The following CNIH3 variants were observed in gnomAD, a reference collection of about 807,000 sequenced individuals.
CNIH3 encodes the protein cornichon family AMPA receptor auxiliary protein 3, also known as protein cornichon homolog 3.
Under a neutral mutation model 24.1 loss-of-function variants are expected in CNIH3, and 14 were observed. That is an observed-to-expected ratio of 0.58 (90% CI 0.38 to 0.91). The LOEUF (loss-of-function observed/expected upper bound fraction) is 0.91. Ranked by LOEUF, CNIH3 falls within the 40% of genes least tolerant of loss-of-function variation. CNIH3 has a pLI of 0.00. For synonymous variants in CNIH3, 68 were observed against 73.8 expected (o/e 0.92, Z 0.40); for missense variants, 178 against 196.8 (o/e 0.90, Z 0.57).
intron 1 of CNIH3, among the ~76,000 whole-genome samples, chr1:224,491,098 G>C (rs568332996): frequency 1.3e-5 from 2 of 152,300 alleles, no homozygotes; most frequent in Admixed American, 1.3e-4. Context: ...GTTACAGTTT[G>C]TCCACAAGTA....
At chr1:224,673,049 T>C (rs1685947705) in intron 1 of CNIH3, among the ~76,000 whole-genome samples, 1 of 152,182 alleles carries the variant, frequency 6.6e-6, no homozygotes, top group Non-Finnish European at 1.5e-5. Context: ...CCCCTGAACA[T>C]TGAGTTTTCA....
downstream of CNIH3, among the ~76,000 whole-genome samples, chr1:224,592,418 A>T (rs1239284696): frequency 6.6e-6 from 1 of 152,194 alleles, no homozygotes; most frequent in African/African-American, 2.4e-5. Context: ...TAATATTCAG[A>T]CTGTAATATT....
In CNIH3 at chr1:224,684,276, G is replaced by C. The variant is rs1686545607; in HGVS notation, c.151-520G>C. Among the ~76,000 whole-genome samples the C allele has an allele frequency of 6.6e-6, 1 of 152,216 alleles. No individual in the cohort carries two copies. Among genetic ancestry groups the C allele is most frequent in the African/African-American group, 2.4e-5 (1 of 41,466 alleles). On this transcript the variant is annotated intron_variant, in intron 2 of 5. Transcript: ENST00000272133. This position sits in a 1 kb window ranked among gnomAD's most constrained non-coding sequence, Gnocchi z 4.2. ...GCCTTAGCCTGGGGGCATCATTGTTGTCTAATTTAGTAGGGAGATTACTTC... is the reference window on the plus strand; with the variant it reads ...GCCTTAGCCTGGGGGCATCATTGTTCTCTAATTTAGTAGGGAGATTACTTC...
intron 1 of CNIH3, among the ~76,000 whole-genome samples, chr1:224,475,253 G>A (rs1195933083): frequency 2.0e-5 from 3 of 151,356 alleles, no homozygotes; most frequent in Non-Finnish European, 4.4e-5. Flanking sequence ...CTACTCGGGA[G>A]GCTGAGGCAG....
Position 224,522,847 on chromosome 1 carries a change from T to C in CNIH3, n.343+1520T>C, listed in dbSNP as rs1172983362. 7.2e-5 allele frequency among the ~76,000 whole-genome samples: 11 copies of C among 152,220 alleles called. 1 individual carries two copies. The highest frequency in any genetic ancestry group is 7.2e-4 in the Admixed American group (11 of 15,284). ...GGCCCACATACTTTGGAAAACAGTGTGGCATTATCTATTAAAGGCAAATGT... is the reference window on the plus strand; with the variant it reads ...GGCCCACATACTTTGGAAAACAGTGCGGCATTATCTATTAAAGGCAAATGT... On this transcript the variant is annotated intron_variant and non_coding_transcript_variant, in intron 2 of 2. Transcript: ENST00000470602.
chr1:224,525,849 C>A (rs987762565), intron 2 of CNIH3, among the ~76,000 whole-genome samples: 5 of 152,112 alleles, frequency 3.3e-5, no homozygotes, highest in African/African-American at 1.2e-4. Context: ...GAGTTAGAAA[C>A]TGGCCAGGCA....
chr1:224,580,567 C>A (rs1428811852), intron 4 of CNIH3, among the ~76,000 whole-genome samples: 1 of 151,670 alleles, frequency 6.6e-6, no homozygotes, highest in East Asian at 1.9e-4. Flanking sequence ...GAGGGGTAGG[C>A]CAGTAATCCC....
intron 4 of CNIH3, 124 bp downstream of exon 4, chr1:224,730,698 T>C (rs1164176063): frequency 3.1e-6 from 2 of 641,632 alleles, no homozygotes; most frequent in Admixed American, 2.6e-5. Flanking sequence ...TTTCTGGGTC[T>C]CTCTCTTTAA....
At chr1:224,708,130 G>T (rs960233124) in intron 3 of CNIH3, among the ~76,000 whole-genome samples, 1 of 152,072 alleles carries the variant, frequency 6.6e-6, no homozygotes, top group Non-Finnish European at 1.5e-5. Context: ...TTCTCTCTCA[G>T]CCATGGATGC....
At chr1:224,441,696 C>T (rs921979830) in intron 1 of CNIH3, among the ~76,000 whole-genome samples, 2 of 152,118 alleles carry the variant, frequency 1.3e-5, no homozygotes, top group Non-Finnish European at 2.9e-5. Context: ...AATAACTAGG[C>T]ATTTAAAACA....
At chr1:224,450,896 A>G (rs1038487894) in intron 1 of CNIH3, among the ~76,000 whole-genome samples, 1 of 152,220 alleles carries the variant, frequency 6.6e-6, no homozygotes, top group Non-Finnish European at 1.5e-5. Context: ...TGCCCAAGGC[A>G]CACAGTTAAT....
chr1:224,577,372 A>G (rs1271197714), intron 4 of CNIH3, among the ~76,000 whole-genome samples: 1 of 152,166 alleles, frequency 6.6e-6, no homozygotes, highest in African/African-American at 2.4e-5. Flanking sequence ...AAAAAAACCA[A>G]ATAATCCCAT....
chr1:224,660,008 G>T (rs1685271938), intron 1 of CNIH3, among the ~76,000 whole-genome samples: 1 of 152,170 alleles, frequency 6.6e-6, no homozygotes, highest in South Asian at 2.1e-4. Flanking sequence ...TAACACAGGA[G>T]ACCAATCTTT....
At position 224,552,469 on chromosome 1, in the gene CNIH3, A is replaced by G. The variant is rs138788501; in HGVS notation, n.450+5530A>G. 4.1e-3 allele frequency among the ~76,000 whole-genome samples: 619 copies of G among 151,768 alleles called. 3 individuals carry two copies. The highest frequency in any genetic ancestry group is 0.014 in the African/African-American group (586 of 41,430). ...AGGAGTAATATCTCCCTTAGATATT[A>G]CAAATAATATCACAGGGTGTACACC... On this transcript the variant is annotated intron_variant and non_coding_transcript_variant, in intron 3 of 5. Coordinates refer to the CNIH3 transcript ENST00000471578.
chr1:224,523,785 T>C (rs1678736442), intron 2 of CNIH3, among the ~76,000 whole-genome samples: 1 of 152,180 alleles, frequency 6.6e-6, no homozygotes, highest in South Asian at 2.1e-4. Flanking sequence ...CAGTGATTCA[T>C]TAAAATAATA....
At chr1:224,639,372 G>A (rs1259009128) in intron 1 of CNIH3, among the ~76,000 whole-genome samples, 2 of 152,212 alleles carry the variant, frequency 1.3e-5, no homozygotes, top group Admixed American at 6.5e-5. Flanking sequence ...TCTGTCTTGT[G>A]AGCCCTCTTA....
chr1:224,739,197 C>A, intron 5 of CNIH3, 132 bp from the exon 6 acceptor site: 1 of 1,462,438 alleles, frequency 6.8e-7, no homozygotes. Flanking sequence ...GCTGTAGTGA[C>A]AGGAATGAGG....
intron 3 of CNIH3, among the ~76,000 whole-genome samples, chr1:224,601,570 CACCTGATGG>C (rs1266558960): frequency 2.6e-5 from 4 of 152,114 alleles, no homozygotes; most frequent in Admixed American, 2.0e-4. Flanking sequence ...GCCCGACAAT[CACCTGATGG>C]TCGTCTGACA....
At chr1:224,459,692 G>A (rs1044797924) in intron 1 of CNIH3, among the ~76,000 whole-genome samples, 3 of 152,054 alleles carry the variant, frequency 2.0e-5, no homozygotes, top group Non-Finnish European at 4.4e-5. Context: ...TGGGGGTAGC[G>A]ATGTGGAGGG....
Sources: allele counts gnomAD v4.1 joint callset (sites outside exome capture counted in the v4.1 genomes callset), GRCh38; gene constraint gnomAD v4.1.1; non-coding constraint Gnocchi (gnomAD v3.1); transcripts MANE v1.5; gene names NCBI Gene and HGNC (gene_info 2026-07-23, HGNC 2026-07-21).